The following LDLRAD3 variants were observed in gnomAD, a reference collection of about 807,000 sequenced individuals.
LDLRAD3 encodes low-density lipoprotein receptor class A domain-containing protein 3.
Under a neutral mutation model 29.4 loss-of-function variants are expected in LDLRAD3, and 20 were observed. The observed-to-expected ratio is 0.68, with a 90% confidence interval of 0.48 to 0.99. The LOEUF is 0.99. Ranked by LOEUF, LDLRAD3 falls within the 50% of genes least tolerant of loss-of-function variation. The pLI is 0.00. For missense variants in LDLRAD3, 420 were observed against 454.3 expected (o/e 0.92, Z 0.69); for synonymous variants, 157 against 192.7 (o/e 0.81, Z 1.53).
At chr11:36,059,552 C>G (rs902228527) in intron 2 of LDLRAD3, among the ~76,000 whole-genome samples, 4 of 152,096 alleles carry the variant, frequency 2.6e-5, no homozygotes, top group African/African-American at 9.7e-5. Flanking sequence ...ACCCTTCTTT[C>G]TGTTTCAAGT....
chr11:35,970,213 G>C (rs1245180074), intron 1 of LDLRAD3, among the ~76,000 whole-genome samples: 1 of 152,206 alleles, frequency 6.6e-6, no homozygotes, highest in East Asian at 1.9e-4. Flanking sequence ...CCTGGTACTT[G>C]TGAATGCAAA....
At chr11:36,075,391 G>T (rs930486239) in intron 2 of LDLRAD3, among the ~76,000 whole-genome samples, 1 of 152,144 alleles carries the variant, frequency 6.6e-6, no homozygotes, top group African/African-American at 2.4e-5. Context: ...TGGGCTTGGG[G>T]ACCCCTGACA....
At chr11:36,169,130 A>G (rs1157697623) in intron 4 of LDLRAD3, among the ~76,000 whole-genome samples, 1 of 152,146 alleles carries the variant, frequency 6.6e-6, no homozygotes, top group Non-Finnish European at 1.5e-5. Context: ...CTGGGGCAAA[A>G]CAAATCCTTC....
intron 4 of LDLRAD3, among the ~76,000 whole-genome samples, chr11:36,212,191 T>C (rs1855291361): frequency 1.3e-5 from 2 of 152,326 alleles, no homozygotes; most frequent in African/African-American, 4.8e-5. Context: ...AGCCACTCGA[T>C]GCAGAGGAGG....
chr11:36,190,601 C>T (rs766594831), intron 4 of LDLRAD3, among the ~76,000 whole-genome samples: 13 of 151,816 alleles, frequency 8.6e-5, no homozygotes, highest in East Asian at 1.9e-4. Context: ...AACTGAAGAC[C>T]GGGTTAGGAG....
rs74906075 is a variant in LDLRAD3, at chr11:36,213,773, C to T, written c.455-13312C>T. On this transcript the variant is annotated intron_variant, in intron 4 of 5. Coordinates refer to ENST00000315571, the MANE Select transcript of LDLRAD3 (RefSeq NM_174902.4). The surrounding 1 kb of genome is among the most constrained non-coding windows in gnomAD (Gnocchi z 4.1). Reference sequence around the variant, plus strand: ...TGGACCCAGCCAGACTCCCCTCCATCGCATCACAGCTTGGAGGCTCTGTGC... The same window carrying T: ...TGGACCCAGCCAGACTCCCCTCCATTGCATCACAGCTTGGAGGCTCTGTGC... Among the ~76,000 whole-genome samples the T allele has an allele frequency of 4.7e-3, 714 of 152,312 alleles. 9 individuals carry two copies. Among genetic ancestry groups the T allele is most frequent in the African/African-American group, 0.017 (690 of 41,572 alleles).
At chr11:36,059,564 C>A (rs1031983531) in intron 2 of LDLRAD3, among the ~76,000 whole-genome samples, 1 of 152,036 alleles carries the variant, frequency 6.6e-6, no homozygotes, top group Non-Finnish European at 1.5e-5. Flanking sequence ...GTTTCAAGTT[C>A]TTCCCAGGCT....
intron 1 of LDLRAD3, among the ~76,000 whole-genome samples, chr11:35,952,149 T>C (rs1420955313): frequency 6.6e-6 from 1 of 152,252 alleles, no homozygotes; most frequent in Non-Finnish European, 1.5e-5. Context: ...ATGAGGAAAC[T>C]AAAAGGTTCA....
At chr11:36,157,215 C>T (rs4756288) in intron 4 of LDLRAD3, among the ~76,000 whole-genome samples, 31,970 of 152,136 alleles carry the variant, frequency 0.21, 4,241 homozygotes, top group African/African-American at 0.35. Flanking sequence ...CCTGCACCCC[C>T]GAAACCATCA....
chr11:36,096,655 C>G (rs1284849042), intron 3 of LDLRAD3, among the ~76,000 whole-genome samples: 1 of 152,244 alleles, frequency 6.6e-6, no homozygotes, highest in Non-Finnish European at 1.5e-5. Flanking sequence ...CAGATTAATG[C>G]CGTAAGTAGC....
chr11:36,048,243 G>A (rs1499514), intron 2 of LDLRAD3, among the ~76,000 whole-genome samples: 23,421 of 152,172 alleles, frequency 0.15, 1,853 homozygotes, highest in East Asian at 0.23. Flanking sequence ...GTCAAAATTA[G>A]CACCTCCTCT....
chr11:36,173,499 C>T (rs947870302), intron 4 of LDLRAD3, among the ~76,000 whole-genome samples: 4 of 151,960 alleles, frequency 2.6e-5, no homozygotes, highest in Admixed American at 1.3e-4. Context: ...ATCCATGTCC[C>T]TACAAAGGAC....
chr11:36,069,003 G>T (rs1189904227), intron 2 of LDLRAD3, among the ~76,000 whole-genome samples: 1 of 152,198 alleles, frequency 6.6e-6, no homozygotes, highest in Non-Finnish European at 1.5e-5. Flanking sequence ...ATGGTCTGTT[G>T]CTCTTTCACT....
chr11:36,133,665 C>T (rs1363950422), intron 4 of LDLRAD3, among the ~76,000 whole-genome samples: 1 of 150,994 alleles, frequency 6.6e-6, no homozygotes, highest in Non-Finnish European at 1.5e-5. Flanking sequence ...TCCCGAGTAG[C>T]TGGGACCACA....
chr11:36,214,194 T>G (rs1382588758), intron 4 of LDLRAD3, among the ~76,000 whole-genome samples: 2 of 151,080 alleles, frequency 1.3e-5, no homozygotes, highest in African/African-American at 4.9e-5. Context: ...GAGAGGAGAG[T>G]GGGGAGAAAG....
intron 4 of LDLRAD3, among the ~76,000 whole-genome samples, chr11:36,198,359 A>G (rs1345614364): frequency 6.8e-6 from 1 of 146,094 alleles, no homozygotes; most frequent in Non-Finnish European, 1.5e-5. Flanking sequence ...CACCTTCTTT[A>G]TGAATGGTTA....
At chr11:36,217,563 T>C (rs576652814) in intron 4 of LDLRAD3, among the ~76,000 whole-genome samples, 1 of 152,340 alleles carries the variant, frequency 6.6e-6, no homozygotes, top group Admixed American at 6.5e-5. Flanking sequence ...TGAAACGGTC[T>C]ACTTCATAGG....
chr11:36,144,051 G>GC (rs1854130451), intron 4 of LDLRAD3, among the ~76,000 whole-genome samples: 1 of 151,776 alleles, frequency 6.6e-6, no homozygotes, highest in Non-Finnish European at 1.5e-5. Flanking sequence ...GCCTCAGCCT[G>GC]CCAAGTGCCT....
At chr11:36,164,971 G>C (rs1471629699) in intron 4 of LDLRAD3, among the ~76,000 whole-genome samples, 1 of 152,134 alleles carries the variant, frequency 6.6e-6, no homozygotes, top group Non-Finnish European at 1.5e-5. Flanking sequence ...CATTATAAAA[G>C]TACATATACT....
Sources: gnomAD v4.1 joint callset for allele counts (sites outside exome capture counted in the v4.1 genomes callset) on GRCh38, gnomAD v4.1.1 for gene constraint, Gnocchi (gnomAD v3.1) non-coding constraint, MANE v1.5 for transcripts, NCBI Gene and HGNC (gene_info 2026-07-23, HGNC 2026-07-21) for gene names.